Variants in NETO1 observed in about 807,000 individuals in gnomAD.
NETO1 encodes neuropilin and tolloid like 1, also known as neuropilin and tolloid-like protein 1.
A neutral mutation model predicts 61.3 loss-of-function variants in NETO1; 26 were observed. The ratio of observed to expected loss-of-function variants is 0.42; its 90% CI spans 0.31 to 0.59. NETO1 has a LOEUF of 0.59. Among genes scored for constraint, NETO1 ranks in the 20% least tolerant of loss-of-function variants. NETO1 has a pLI of 0.12. For missense variants in NETO1, 531 were observed against 662.8 expected (o/e 0.80, Z 2.18); for synonymous variants, 225 against 225.8 (o/e 1.00, Z 0.03).
intron 4 of NETO1, among the ~76,000 whole-genome samples, chr18:72,800,688 G>A (rs560200562): frequency 3.9e-5 from 6 of 152,116 alleles, no homozygotes; most frequent in Non-Finnish European, 5.9e-5. Flanking sequence ...CCACAAAACC[G>A]GTCCCTGGTG....
intron 3 of NETO1, 149 bp downstream of exon 3, chr18:72,864,659 T>G: frequency 9.7e-7 from 1 of 1,036,062 alleles, no homozygotes; most frequent in Non-Finnish European, 1.4e-6. Context: ...ATTCCAGATT[T>G]TACAGTTATT....
chr18:72,808,845 G>A (rs1450703624), intron 4 of NETO1, among the ~76,000 whole-genome samples: 1 of 152,218 alleles, frequency 6.6e-6, no homozygotes, highest in Non-Finnish European at 1.5e-5. Context: ...TTCATGCCAG[G>A]CAGCAGTGGG....
At chr18:72,780,533 G>T (rs993441376) in intron 7 of NETO1, among the ~76,000 whole-genome samples, 9 of 152,076 alleles carry the variant, frequency 5.9e-5, no homozygotes, top group Admixed American at 1.3e-4. Flanking sequence ...ATGTTAGCCG[G>T]TCTTTTCACC....
intron 7 of NETO1, among the ~76,000 whole-genome samples, chr18:72,771,513 G>C (rs1346356178): frequency 2.0e-5 from 3 of 152,056 alleles, no homozygotes; most frequent in African/African-American, 7.2e-5. Flanking sequence ...ATTCATCTTC[G>C]AGCCATCCAT....
In NETO1 at chr18:72,783,883, A is replaced by G. The variant is rs2145230548; in HGVS notation, c.663T>C (p.Tyr221=). The G allele has an allele frequency of 6.2e-7, 1 of 1,613,162 alleles. No individual in the cohort carries two copies. Among genetic ancestry groups the G allele is most frequent in the Non-Finnish European group, 8.5e-7 (1 of 1,179,094 alleles). ...TGCACTCATTTGAATTCTGCATCTC[A>G]TAGTCCAAGAATCGTAAGTAAATCT... ...RSKIYLRFLD[Y]EMQNSNECKR... is the part of the protein sequence containing the mutation. The change falls in exon 7 of 11, where the codon TAT becomes TAC. Residue 221 remains tyrosine, a synonymous_variant. Coordinates refer to ENST00000327305, the MANE Select transcript of NETO1 (RefSeq NM_138966.5).
intron 2 of NETO1, 116 bp from the exon 3 acceptor site, chr18:72,865,061 A>T (rs1478148295): frequency 7.1e-7 from 1 of 1,411,940 alleles, no homozygotes; most frequent in African/African-American, 1.5e-5. Flanking sequence ...ATGTTGTCTT[A>T]GCCAAACCAA....
intron 3 of NETO1, among the ~76,000 whole-genome samples, chr18:72,861,108 T>A (rs2074558410): frequency 1.3e-5 from 2 of 152,212 alleles, no homozygotes; most frequent in African/African-American, 4.8e-5. Context: ...ATAATGGCCA[T>A]CTAACATGAA....
At chr18:72,848,513 G>A (rs536840845) in intron 4 of NETO1, among the ~76,000 whole-genome samples, 2 of 152,238 alleles carry the variant, frequency 1.3e-5, no homozygotes, top group African/African-American at 4.8e-5. Context: ...CACAATGGTA[G>A]GGCAGGCAAA....
chr18:72,805,142 C>T (rs920062678), intron 4 of NETO1, among the ~76,000 whole-genome samples: 2 of 152,098 alleles, frequency 1.3e-5, no homozygotes, highest in African/African-American at 4.8e-5. Context: ...TATTTAACTG[C>T]AAACCATTTA....
chr18:72,851,425 A>G (rs1320970016), intron 4 of NETO1, among the ~76,000 whole-genome samples: 1 of 152,022 alleles, frequency 6.6e-6, no homozygotes, highest in Non-Finnish European at 1.5e-5. Flanking sequence ...AAAAAAAGAA[A>G]AAAGAAAGAA....
intron 4 of NETO1, among the ~76,000 whole-genome samples, chr18:72,795,953 C>T (rs556241974): frequency 3.9e-5 from 6 of 152,088 alleles, no homozygotes; most frequent in African/African-American, 1.2e-4. Flanking sequence ...TATGAGTGGG[C>T]GAAGGCATCA....
chr18:72,766,874 T>C (rs534998810), intron 7 of NETO1, among the ~76,000 whole-genome samples: 1 of 152,350 alleles, frequency 6.6e-6, no homozygotes, highest in African/African-American at 2.4e-5. Context: ...CTACATACTT[T>C]TATACTTCCA....
chr18:72,814,863 T>C (rs1319338236), intron 4 of NETO1, among the ~76,000 whole-genome samples: 1 of 151,864 alleles, frequency 6.6e-6, no homozygotes, highest in Non-Finnish European at 1.5e-5. Flanking sequence ...TATCATTGCA[T>C]CAATGAAATA....
At chr18:72,755,923 T>TA (rs1353971251) in intron 8 of NETO1, 111 bp downstream of exon 8, 2 of 584,366 alleles carry the variant, frequency 3.4e-6, no homozygotes, top group East Asian at 5.6e-5. Flanking sequence ...GCGGTGGTCA[T>TA]AAAAGGCACT....
chr18:72,804,063 T>C (rs982461126), intron 4 of NETO1, among the ~76,000 whole-genome samples: 3 of 152,042 alleles, frequency 2.0e-5, no homozygotes, highest in Admixed American at 1.3e-4. Context: ...TATTTTAATA[T>C]AGTATGCTAT....
In NETO1 at chr18:72,756,002, A is replaced by T. The variant is rs193188464; in HGVS notation, c.982+32T>A. On this transcript the variant is annotated intron_variant, in intron 8 of 10. Coordinates refer to ENST00000327305, the MANE Select transcript of NETO1 (RefSeq NM_138966.5). ...TTCTACCCCACTCCACAGGGAGGAA[A>T]TTTTTTTCAAATTTCAGGCACTAAT... 192 of 1,238,988 alleles carry T rather than the reference A, an allele frequency of 1.5e-4. 3 individuals are homozygous for T. Among genetic ancestry groups the T allele is most frequent in the African/African-American group, 1.5e-3 (100 of 67,018 alleles). The allele number at this position is 1,238,988 out of a possible 1,614,324, so 76.7% of individuals were successfully genotyped here. A position where few individuals can be genotyped will look rare whatever the true frequency, so the allele number is the denominator to read the frequency against.
chr18:72,810,976 A>G (rs908684587), intron 4 of NETO1, among the ~76,000 whole-genome samples: 4 of 152,222 alleles, frequency 2.6e-5, no homozygotes, highest in Non-Finnish European at 5.9e-5. Flanking sequence ...GGAAACTGCA[A>G]AAACAAAATA....
rs547301624 is a variant in NETO1, at chr18:72,841,587, AGCCGG to A, written c.469+17234_469+17238del. Among the ~76,000 whole-genome samples, 5 of 152,014 alleles carry A rather than the reference AGCCGG, an allele frequency of 3.3e-5. No homozygotes were observed. The South Asian group carries it at 1.0e-3, about 32-fold the overall frequency. On this transcript the variant is annotated intron_variant, in intron 4 of 10. Coordinates refer to ENST00000327305, the MANE Select transcript of NETO1 (RefSeq NM_138966.5). ...CATCTCTACTGAAAATGAAATAATC[AGCCGG>A]GCATGGTAGTGTGCGCCTGTAGTCC...
chr18:72,818,560 T>C (rs1424586625), intron 4 of NETO1, among the ~76,000 whole-genome samples: 1 of 152,230 alleles, frequency 6.6e-6, no homozygotes, highest in South Asian at 2.1e-4. Flanking sequence ...ATATTCACTT[T>C]ACCATTTTCA....
Sources: gnomAD v4.1 joint callset for allele counts (sites outside exome capture counted in the v4.1 genomes callset) on GRCh38, gnomAD v4.1.1 for gene constraint, MANE v1.5 for transcripts, NCBI Gene and HGNC (gene_info 2026-07-23, HGNC 2026-07-21) for gene names.